PICALM: variants seen among roughly 807,000 people sequenced by gnomAD.
PICALM encodes the protein phosphatidylinositol binding clathrin assembly protein, also known as phosphatidylinositol-binding clathrin assembly protein.
In PICALM, 40 loss-of-function variants were observed where a neutral mutation model predicts 80.5. That is an observed-to-expected ratio of 0.50 (90% CI 0.39 to 0.65). The LOEUF is 0.65. Ranked by LOEUF, PICALM falls within the 30% of genes least tolerant of loss-of-function variation. The probability of loss-of-function intolerance (pLI) is 0.00; values close to 1 mark genes in which losing one functional copy is unlikely to be tolerated. For missense variants in PICALM, 676 were observed against 778.9 expected (o/e 0.87, Z 1.57); for synonymous variants, 288 against 260.3 (o/e 1.11, Z -1.02).
chr11:86,036,957 A>T lies in PICALM; in HGVS notation c.131-5346T>A, dbSNP rs574577548. ...TCTCAACAACAACCAAAAAAAAAAAATTTTTTTTGAGATGGAGTCTTGCTC... is the reference window on the plus strand; with the variant it reads ...TCTCAACAACAACCAAAAAAAAAAATTTTTTTTTGAGATGGAGTCTTGCTC... On this transcript the variant is annotated intron_variant, in intron 1 of 19. Coordinates refer to ENST00000393346, the MANE Select transcript of PICALM (RefSeq NM_007166.4). Among the ~76,000 whole-genome samples the T allele has an allele frequency of 8.7e-5, 13 of 149,864 alleles. No individual in the cohort carries two copies. The South Asian group carries it at 1.5e-3, about 17-fold the overall frequency.
intron 14 of PICALM, 109 bp from the exon 15 acceptor site, chr11:85,982,112 T>C (rs2094456942): frequency 5.3e-6 from 5 of 945,974 alleles, no homozygotes; most frequent in African/African-American, 1.7e-5. Context: ...GGAAAAGTTA[T>C]CCAAAAAATA....
chr11:86,043,266 C>T (rs568595726), intron 1 of PICALM, among the ~76,000 whole-genome samples: 1 of 152,196 alleles, frequency 6.6e-6, no homozygotes, highest in Admixed American at 6.5e-5. Context: ...CACAAACATG[C>T]TTCTATTCTG....
chr11:85,964,473 T>C (rs1484132539), intron 19 of PICALM, among the ~76,000 whole-genome samples: 2 of 152,222 alleles, frequency 1.3e-5, no homozygotes, highest in Non-Finnish European at 2.9e-5. Context: ...TTTAGAATAA[T>C]AGGCCCAATA....
At chr11:86,014,715 G>A (rs1384127103) in intron 5 of PICALM, among the ~76,000 whole-genome samples, 155 bp downstream of exon 5, 4 of 152,076 alleles carry the variant, frequency 2.6e-5, no homozygotes, top group Non-Finnish European at 5.9e-5. Context: ...AAATCAGAAA[G>A]TAATTTGACT....
Position 86,038,970 on chromosome 11 carries a change from C to T in PICALM, c.131-7359G>A, listed in dbSNP as rs183541598. On this transcript the variant is annotated intron_variant, in intron 1 of 19. Transcript: ENST00000393346. The stretch of plus-strand genomic sequence containing the variant: ...ATTAAAAATACAAAAATTAGCTGGA[C>T]GTGGTGACAACACGACTGTAATCCC... Among the ~76,000 whole-genome samples, 545 of 151,270 alleles carry T rather than the reference C, an allele frequency of 3.6e-3. 2 individuals are homozygous for T. Among genetic ancestry groups the T allele is most frequent in the Non-Finnish European group, 4.8e-3 (325 of 67,858 alleles).
chr11:86,035,971 A>G (rs990226894), intron 1 of PICALM, among the ~76,000 whole-genome samples: 5 of 151,598 alleles, frequency 3.3e-5, no homozygotes, highest in Admixed American at 1.3e-4. Flanking sequence ...AAAAAGAAAA[A>G]AAAAGAAAAT....
chr11:86,010,390 G>A (rs922222456), intron 7 of PICALM, among the ~76,000 whole-genome samples: 9 of 150,878 alleles, frequency 6.0e-5, no homozygotes, highest in African/African-American at 2.2e-4. Flanking sequence ...GCAGTGGTGC[G>A]ATCTCAGCTC....
At chr11:85,984,930 C>T (rs976387543) in intron 13 of PICALM, among the ~76,000 whole-genome samples, 3 of 152,038 alleles carry the variant, frequency 2.0e-5, no homozygotes, top group African/African-American at 4.8e-5. Context: ...TGAGTATATC[C>T]AAATAAATAT....
intron 1 of PICALM, among the ~76,000 whole-genome samples, chr11:86,044,525 C>T (rs933740963): frequency 1.3e-5 from 2 of 152,104 alleles, no homozygotes; most frequent in East Asian, 1.9e-4. Context: ...ACATGCTTCA[C>T]AATTAAAACA....
Position 85,959,024 on chromosome 11 carries a change from A to T in PICALM, c.*22T>A. The T allele has an allele frequency of 6.3e-7, 1 of 1,582,716 alleles. No homozygotes were observed. Among genetic ancestry groups the T allele is most frequent in the Admixed American group, 1.8e-5 (1 of 56,860 alleles). ...GCTTGAGCACTTGTCTTTTTGGAGT[A>T]ATTCCATTTTCTTCCATCAAGTTAC... On this transcript the variant is annotated 3_prime_UTR_variant, in exon 20 of 20. Coordinates refer to ENST00000393346, the MANE Select transcript of PICALM (RefSeq NM_007166.4).
chr11:85,988,620 G>A (rs1354261431), intron 13 of PICALM, among the ~76,000 whole-genome samples: 2 of 151,912 alleles, frequency 1.3e-5, no homozygotes, highest in Non-Finnish European at 2.9e-5. Flanking sequence ...AGAGGGGAAG[G>A]GGAAGGAAAG....
intron 1 of PICALM, among the ~76,000 whole-genome samples, chr11:86,066,188 T>G (rs1449189397): frequency 6.6e-6 from 1 of 152,204 alleles, no homozygotes; most frequent in Non-Finnish European, 1.5e-5. Flanking sequence ...AGCATGTTAG[T>G]GTGTGCAAGG....
In PICALM at chr11:86,026,378, A is replaced by G. The variant is rs2095649531; in HGVS notation, c.274-11T>C. ...ATACTGAATAAAACGCTGGAAAAAA[A>G]AAATTACATCATATTAAGGTACTGC... On this transcript the variant is annotated splice_polypyrimidine_tract_variant and intron_variant, in intron 2 of 19. Coordinates refer to ENST00000393346, the MANE Select transcript of PICALM (RefSeq NM_007166.4). 6.4e-7 allele frequency: 1 copy of G among 1,557,824 alleles called. No individual in the cohort carries two copies. Among genetic ancestry groups the G allele is most frequent in the Non-Finnish European group, 8.8e-7 (1 of 1,134,888 alleles).
intron 1 of PICALM, among the ~76,000 whole-genome samples, chr11:86,061,120 G>A (rs1381438459): frequency 6.6e-6 from 1 of 152,044 alleles, no homozygotes; most frequent in Non-Finnish European, 1.5e-5. Flanking sequence ...CCTGAGATGA[G>A]GAGTTCAAGA....
intron 8 of PICALM, among the ~76,000 whole-genome samples, chr11:86,006,197 A>C (rs768452635): frequency 3.0e-4 from 46 of 152,210 alleles, no homozygotes; most frequent in Non-Finnish European, 4.7e-4. Flanking sequence ...GCTCTTAATA[A>C]AGCCAATTTA....
intron 1 of PICALM, among the ~76,000 whole-genome samples, chr11:86,039,443 C>A (rs960655302): frequency 6.6e-6 from 1 of 152,062 alleles, no homozygotes. Context: ...AGGCAATCCT[C>A]CCCCCACCAG....
rs779752380 is a variant in PICALM, at chr11:86,014,963, C to G, written c.453G>C (p.Gly151=). Residue 151 remains glycine (G), a splice_region_variant and synonymous_variant, in exon 5 of 20, where the codon GGG becomes GGC. Coordinates refer to ENST00000393346, the MANE Select transcript of PICALM (RefSeq NM_007166.4). ...TCATTGTTCTCATAACTCCATCAGC[C>G]CTGTTATGAAAAAACCAGAGAAATA... ...VAFDFTKVKR[G]ADGVMRTMNT... 9.6e-6 allele frequency: 15 copies of G among 1,558,762 alleles called. No homozygotes were observed. The highest frequency in any genetic ancestry group is 1.8e-5 in the Admixed American group (1 of 54,716).
chr11:86,042,813 TCTC>T (rs1330043773), intron 1 of PICALM, among the ~76,000 whole-genome samples: 2 of 152,020 alleles, frequency 1.3e-5, no homozygotes, highest in East Asian at 1.9e-4. Context: ...GCAGAAAAAT[TCTC>T]CTTTCTTTCC....
chr11:86,055,141 G>T lies in PICALM; in HGVS notation c.130+13510C>A, dbSNP rs575506540. On this transcript the variant is annotated intron_variant, in intron 1 of 19. Coordinates refer to ENST00000393346, the MANE Select transcript of PICALM (RefSeq NM_007166.4). ...AGGTCAGTAGTTTGAGACCAGCCTGGACAACATGGTGAAACCCCCGTCTCT... is the reference window on the plus strand; with the variant it reads ...AGGTCAGTAGTTTGAGACCAGCCTGTACAACATGGTGAAACCCCCGTCTCT... 1.3e-5 allele frequency among the ~76,000 whole-genome samples: 2 copies of T among 151,722 alleles called. 1 individual carries two copies.
Sources: gnomAD v4.1 joint callset for allele counts (sites outside exome capture counted in the v4.1 genomes callset) on GRCh38, gnomAD v4.1.1 for gene constraint, MANE v1.5 for transcripts, NCBI Gene and HGNC (gene_info 2026-07-23, HGNC 2026-07-21) for gene names.